Variants in ASIC2 observed in about 807,000 individuals in gnomAD.
The protein encoded by ASIC2 is acid-sensing ion channel 2.
ASIC2 carries 25 observed loss-of-function variants against 57.3 expected under a neutral mutation model. That is an observed-to-expected ratio of 0.44 (90% confidence interval 0.32 to 0.61). ASIC2 has a LOEUF of 0.61. Among genes scored for constraint, ASIC2 ranks in the 20% least tolerant of loss-of-function variants. ASIC2 has a pLI of 0.06. For missense variants in ASIC2, 641 were observed against 738.1 expected, an observed-to-expected ratio of 0.87 and a Z score of 1.52; for synonymous variants, 319 against 307.5, an observed-to-expected ratio of 1.04 and a Z score of -0.39.
chr17:33,410,664 C>A (rs1910627914), intron 1 of ASIC2, among the ~76,000 whole-genome samples: 1 of 152,224 alleles, frequency 6.6e-6, no homozygotes, highest in Non-Finnish European at 1.5e-5. Flanking sequence ...CTGCTGCCTC[C>A]TTTCTGTTAG....
chr17:33,931,735 A>C (rs2141971841), intron 1 of ASIC2, among the ~76,000 whole-genome samples: 1 of 152,296 alleles, frequency 6.6e-6, no homozygotes, highest in Non-Finnish European at 1.5e-5. Context: ...GTCTGGGAAA[A>C]GGACTGCTTT....
At chr17:33,146,923 A>G (rs1012394031) in intron 1 of ASIC2, among the ~76,000 whole-genome samples, 2 of 152,194 alleles carry the variant, frequency 1.3e-5, no homozygotes, top group African/African-American at 2.4e-5. Flanking sequence ...AACCTGAGCC[A>G]CTTTCCTGTG....
At chr17:33,980,443 AG>A (rs1438698051) in intron 1 of ASIC2, among the ~76,000 whole-genome samples, 3 of 152,248 alleles carry the variant, frequency 2.0e-5, no homozygotes, top group Non-Finnish European at 4.4e-5. Flanking sequence ...AGGAAGTGAA[AG>A]AATGAAGTGA....
chr17:33,606,027 C>T (rs1905224314), intron 1 of ASIC2, among the ~76,000 whole-genome samples: 1 of 152,154 alleles, frequency 6.6e-6, no homozygotes, highest in Non-Finnish European at 1.5e-5. Context: ...CTGCTTTAAT[C>T]CATATTTTTA....
intron 1 of ASIC2, among the ~76,000 whole-genome samples, chr17:33,163,284 T>C (rs1424524348): frequency 6.6e-6 from 1 of 152,116 alleles, no homozygotes; most frequent in Non-Finnish European, 1.5e-5. Flanking sequence ...ATCATATAAG[T>C]TCTCCTGTTA....
chr17:33,245,819 AGT>A (rs1373411991), intron 1 of ASIC2, among the ~76,000 whole-genome samples: 1 of 152,246 alleles, frequency 6.6e-6, no homozygotes, highest in East Asian at 1.9e-4. Flanking sequence ...CAGATGCCAG[AGT>A]GTGCAGGCCC....
intron 7 of ASIC2, 57 bp downstream of exon 7, chr17:33,021,162 T>TTCCCCC (rs2091833752): frequency 9.7e-5 from 67 of 693,938 alleles, no homozygotes; most frequent in East Asian, 1.7e-4. Flanking sequence ...CTGTGCATCC[T>TTCCCCC]CCCTCCCTCC....
At chr17:33,561,826 C>T (rs889432955) in intron 1 of ASIC2, among the ~76,000 whole-genome samples, 9 of 152,288 alleles carry the variant, frequency 5.9e-5, no homozygotes, top group Admixed American at 4.6e-4. Flanking sequence ...TGGGGCTATT[C>T]CCAGAAGTGC....
intron 2 of ASIC2, among the ~76,000 whole-genome samples, chr17:33,106,197 A>G (rs893953133): frequency 3.9e-5 from 6 of 152,168 alleles, no homozygotes; most frequent in African/African-American, 1.4e-4. Context: ...GACTAGAGCC[A>G]GGTTAACAAG....
intron 1 of ASIC2, among the ~76,000 whole-genome samples, chr17:34,015,245 T>C (rs1248480597): frequency 6.6e-6 from 1 of 152,012 alleles, no homozygotes; most frequent in Non-Finnish European, 1.5e-5. Context: ...GGGGCTACAA[T>C]TTGGGGTGAC....
At chr17:33,326,257 G>A (rs558751763) in intron 1 of ASIC2, among the ~76,000 whole-genome samples, 4 of 152,112 alleles carry the variant, frequency 2.6e-5, no homozygotes, top group Non-Finnish European at 5.9e-5. Context: ...CCCATTTTAT[G>A]AGCAAGGAAA....
At chr17:34,096,135 C>G (rs533981096) in intron 1 of ASIC2, among the ~76,000 whole-genome samples, 1 of 152,110 alleles carries the variant, frequency 6.6e-6, no homozygotes, top group Admixed American at 6.6e-5. Flanking sequence ...GGCATAGTAC[C>G]AGGCACTGTA....
At chr17:33,958,608 A>C (rs949558394) in intron 1 of ASIC2, among the ~76,000 whole-genome samples, 9 of 152,154 alleles carry the variant, frequency 5.9e-5, no homozygotes, top group Non-Finnish European at 1.0e-4. Flanking sequence ...TATGCAGGGC[A>C]CCATGTCCAG....
At chr17:33,671,429 A>G (rs1907636765) in intron 1 of ASIC2, among the ~76,000 whole-genome samples, 1 of 152,214 alleles carries the variant, frequency 6.6e-6, no homozygotes, top group Non-Finnish European at 1.5e-5. Flanking sequence ...CCCCACAACC[A>G]TGATAGCGTT....
At chr17:34,061,500 T>G (rs1908968313) in intron 1 of ASIC2, among the ~76,000 whole-genome samples, 1 of 152,172 alleles carries the variant, frequency 6.6e-6, no homozygotes, top group South Asian at 2.1e-4. Context: ...AAGAGCATGA[T>G]GAAAGCAACG....
intron 1 of ASIC2, among the ~76,000 whole-genome samples, chr17:33,485,105 C>T (rs1372319797): frequency 1.3e-5 from 2 of 151,336 alleles, no homozygotes; most frequent in Non-Finnish European, 2.9e-5. Flanking sequence ...TGGGGCCCAC[C>T]TGCCCTGCAA....
chr17:33,857,344 AAGG>A (rs773424809), intron 1 of ASIC2, among the ~76,000 whole-genome samples: 1 of 152,178 alleles, frequency 6.6e-6, no homozygotes, highest in Non-Finnish European at 1.5e-5. Context: ...GGAAACTGAG[AAGG>A]AGAAGAGCAG....
At chr17:33,564,724 C>A (rs1332756387) in intron 1 of ASIC2, among the ~76,000 whole-genome samples, 1 of 152,182 alleles carries the variant, frequency 6.6e-6, no homozygotes, top group East Asian at 1.9e-4. Context: ...ATCTCTGCAG[C>A]ACTGTAACAT....
At chr17:33,170,207 G>A (rs1208994615) in intron 1 of ASIC2, among the ~76,000 whole-genome samples, 1 of 152,150 alleles carries the variant, frequency 6.6e-6, no homozygotes, top group Non-Finnish European at 1.5e-5. Context: ...GTCTGGCAGG[G>A]CAAGTTAAAC....
Sources: allele counts gnomAD v4.1 joint callset (sites outside exome capture counted in the v4.1 genomes callset), GRCh38; gene constraint gnomAD v4.1.1; transcripts MANE v1.5; gene names NCBI Gene and HGNC (gene_info 2026-07-23, HGNC 2026-07-21).